The following NALCN variants were observed in gnomAD, a reference collection of about 807,000 sequenced individuals.
NALCN encodes sodium leak channel, non-selective.
In NALCN, 111 loss-of-function variants were observed where a neutral mutation model predicts 225.3. That is an observed-to-expected ratio of 0.49 (90% CI 0.42 to 0.58). The LOEUF (loss-of-function observed/expected upper bound fraction) is 0.58. Among genes scored for constraint, NALCN ranks in the 20% least tolerant of loss-of-function variants. The pLI is 0.00. For missense variants in NALCN, 1,378 were observed against 2,202.4 expected (o/e 0.63, Z 7.49); for synonymous variants, 764 against 769.0 (o/e 0.99, Z 0.11).
intron 14 of NALCN, among the ~76,000 whole-genome samples, chr13:101,183,601 AG>A (rs2039330103): frequency 6.6e-6 from 1 of 152,028 alleles, no homozygotes; most frequent in Admixed American, 6.5e-5. Context: ...CTGGGATTTT[AG>A]GTGCCTGCCA....
intron 15 of NALCN, among the ~76,000 whole-genome samples, chr13:101,151,482 GA>G (rs2037644242): frequency 6.6e-6 from 1 of 152,188 alleles, no homozygotes; most frequent in African/African-American, 2.4e-5. Flanking sequence ...GTGTTAGTTT[GA>G]AAACTGTGCA....
intron 6 of NALCN, among the ~76,000 whole-genome samples, chr13:101,346,276 T>G (rs1016641377): frequency 1.3e-5 from 2 of 151,994 alleles, no homozygotes; most frequent in Non-Finnish European, 2.9e-5. Flanking sequence ...TTACGGTTTT[T>G]GCCATTACAG....
intron 15 of NALCN, among the ~76,000 whole-genome samples, chr13:101,149,682 T>C (rs1018203603): frequency 1.3e-4 from 20 of 152,216 alleles, no homozygotes; most frequent in Non-Finnish European, 2.5e-4. Context: ...ATCATTGCCC[T>C]ACAGTTGTGC....
intron 41 of NALCN, among the ~76,000 whole-genome samples, chr13:101,060,472 T>TTC (rs1356517378): frequency 2.5e-5 from 3 of 118,454 alleles, no homozygotes; most frequent in Non-Finnish European, 5.2e-5. Context: ...TTTTTTTTTT[T>TTC]CAGAGAGGAG....
intron 41 of NALCN, 78 bp downstream of exon 41, chr13:101,061,890 A>G: frequency 7.2e-7 from 1 of 1,392,022 alleles, no homozygotes; most frequent in Non-Finnish European, 9.8e-7. Context: ...ATGTTCACGA[A>G]GCTCTTTTCT....
chr13:101,387,902 A>G (rs2047039906), intron 3 of NALCN, among the ~76,000 whole-genome samples: 1 of 152,208 alleles, frequency 6.6e-6, no homozygotes. Flanking sequence ...AATATAAATT[A>G]GGAACATACA....
At chr13:101,114,194 TAGAC>T (rs1309347657) in intron 18 of NALCN, among the ~76,000 whole-genome samples, 1 of 152,180 alleles carries the variant, frequency 6.6e-6, no homozygotes, top group Non-Finnish European at 1.5e-5. Context: ...TGTGGGACCT[TAGAC>T]AGGTGATGTG....
intron 11 of NALCN, among the ~76,000 whole-genome samples, chr13:101,252,506 C>G (rs2042091583): frequency 6.6e-6 from 1 of 152,080 alleles, no homozygotes; most frequent in African/African-American, 2.4e-5. Flanking sequence ...AGTGGAATTG[C>G]TGTGCATGAG....
chr13:101,149,075 C>T (rs1027107101), intron 15 of NALCN, among the ~76,000 whole-genome samples: 3 of 152,246 alleles, frequency 2.0e-5, no homozygotes, highest in Middle Eastern at 3.4e-3. Flanking sequence ...GGGCGGATCA[C>T]GAGGTAAGGA....
rs145021443 is a variant in NALCN, at chr13:101,248,565, C to T, written c.1266+9878G>A. On this transcript the variant is annotated intron_variant, in intron 11 of 43. Transcript: ENST00000251127. ...TTGTGTGCATGGCCAGTGATTCCAG[C>T]GATCATGCCTACCTAAGGAAATCCC... is the stretch of plus-strand genomic sequence containing the variant. 7.3e-3 allele frequency among the ~76,000 whole-genome samples: 1,107 copies of T among 152,190 alleles called. 10 individuals carry two copies. Among genetic ancestry groups the T allele is most frequent in the South Asian group, 0.028 (134 of 4,818 alleles).
intron 27 of NALCN, among the ~76,000 whole-genome samples, chr13:101,098,843 T>G (rs1164432443): frequency 1.3e-5 from 2 of 151,076 alleles, no homozygotes; most frequent in Non-Finnish European, 2.9e-5. Flanking sequence ...CGTCTCACCG[T>G]GCCAATTTCT....
At chr13:101,293,362 T>C (rs539206440) in intron 7 of NALCN, among the ~76,000 whole-genome samples, 1 of 152,354 alleles carries the variant, frequency 6.6e-6, no homozygotes, top group East Asian at 1.9e-4. Context: ...GTATCATTTA[T>C]GACTATAAAA....
chr13:101,384,179 C>G (rs1330764522), intron 3 of NALCN, among the ~76,000 whole-genome samples: 1 of 152,016 alleles, frequency 6.6e-6, no homozygotes, highest in Non-Finnish European at 1.5e-5. Context: ...AAATATGCAA[C>G]CAGAAGCTAA....
At chr13:101,391,603 A>T (rs1193992577) in intron 3 of NALCN, among the ~76,000 whole-genome samples, 1 of 151,942 alleles carries the variant, frequency 6.6e-6, no homozygotes, top group African/African-American at 2.4e-5. Flanking sequence ...AGATCTCTTG[A>T]TCCCAAGAGC....
rs528318788 is a variant in NALCN, at chr13:101,201,850, G to T, written c.1627-9796C>A. 2.0e-5 allele frequency among the ~76,000 whole-genome samples: 3 copies of T among 152,004 alleles called. No individual in the cohort carries two copies. The South Asian group carries it at 6.2e-4, about 31-fold the overall frequency. The stretch of plus-strand genomic sequence containing the variant: ...CAAGAACTCTTTCTCTACAAAAAAA[G>T]TTGCTTTCAAAATAAAATCTACTTG... On this transcript the variant is annotated intron_variant, in intron 13 of 43. Coordinates refer to ENST00000251127, the MANE Select transcript of NALCN (RefSeq NM_052867.4).
At chr13:101,090,321 G>A (rs2034162647) in intron 28 of NALCN, among the ~76,000 whole-genome samples, 1 of 152,182 alleles carries the variant, frequency 6.6e-6, no homozygotes, top group East Asian at 1.9e-4. Context: ...CCTGAGGACT[G>A]GACAGATGAT....
At chr13:101,188,368 T>C (rs1415084577) in intron 14 of NALCN, among the ~76,000 whole-genome samples, 5 of 152,208 alleles carry the variant, frequency 3.3e-5, no homozygotes, top group African/African-American at 4.8e-5. Flanking sequence ...CACATGACCA[T>C]GTATAACTTG....
intron 6 of NALCN, among the ~76,000 whole-genome samples, chr13:101,356,277 A>G (rs2046057367): frequency 1.3e-5 from 2 of 152,182 alleles, no homozygotes; most frequent in African/African-American, 4.8e-5. Context: ...GAAAAAATTA[A>G]CAAAATAGAT....
Position 101,237,765 on chromosome 13 carries a change from G to A in NALCN, c.1424C>T (p.Thr475Met). The stretch of plus-strand genomic sequence containing the variant: ...CATTATTTTTATTACCTGAAAGTAC[G>A]TGAATTGTGAATGATAAAGATCTGG... Reference protein sequence around the residue: ...VYPDLYHSQFTYFQVLRVVRL... With the variant: ...VYPDLYHSQFMYFQVLRVVRL... The change falls in exon 12 of 44, where the codon ACG becomes ATG. Residue 475 changes from threonine (T) to methionine (M), a missense_variant. Thr to Met is a moderately conservative substitution (Grantham distance 81). Coordinates refer to ENST00000251127, the MANE Select transcript of NALCN (RefSeq NM_052867.4). 3 of 1,569,940 alleles carry A rather than the reference G, an allele frequency of 1.9e-6. No individual in the cohort carries two copies. Among genetic ancestry groups the A allele is most frequent in the Non-Finnish European group, 2.6e-6 (3 of 1,162,268 alleles).
Sources: allele counts gnomAD v4.1 joint callset (sites outside exome capture counted in the v4.1 genomes callset), GRCh38; gene constraint gnomAD v4.1.1; transcripts MANE v1.5; gene names NCBI Gene and HGNC (gene_info 2026-07-23, HGNC 2026-07-21).